LEMD1: variants seen among roughly 807,000 people sequenced by gnomAD.
LEMD1 encodes the protein LEM domain-containing protein 1.
Under a neutral mutation model 17.4 loss-of-function variants are expected in LEMD1, and 18 were observed. The ratio of observed to expected loss-of-function variants is 1.04; its 90% CI spans 0.72 to 1.54. The LOEUF (loss-of-function observed/expected upper bound fraction) is 1.54, where lower values mean the gene tolerates loss of function less well. Among genes scored for constraint, LEMD1 ranks in the 40% most tolerant of loss-of-function variants. The pLI, the probability that LEMD1 is intolerant of heterozygous loss-of-function variation, is 0.00. For missense variants in LEMD1, 195 were observed against 210.4 expected, an observed-to-expected ratio of 0.93 and a Z score of 0.45; for synonymous variants, 88 against 77.8, an observed-to-expected ratio of 1.13 and a Z score of -0.69.
intron 4 of LEMD1, among the ~76,000 whole-genome samples, chr1:205,412,033 T>A (rs1665477116): frequency 6.6e-6 from 1 of 152,220 alleles, no homozygotes; most frequent in South Asian, 2.1e-4. Flanking sequence ...TGCCCCTATT[T>A]GCCCAAGATA....
intron 4 of LEMD1, 111 bp from the exon 5 acceptor site, chr1:205,384,475 C>T: frequency 3.4e-6 from 2 of 585,232 alleles, no homozygotes; most frequent in Non-Finnish European, 5.7e-6. Flanking sequence ...GTTCTTGGCA[C>T]ATTAGGTAGT....
At chr1:205,404,703 T>G (rs1201269276) in intron 4 of LEMD1, among the ~76,000 whole-genome samples, 6 of 152,168 alleles carry the variant, frequency 3.9e-5, no homozygotes, top group Non-Finnish European at 7.3e-5. Context: ...CCATTTACAT[T>G]TAAAGTTAAT....
At chr1:205,445,392 C>A (rs1484945628) in intron 1 of LEMD1, among the ~76,000 whole-genome samples, 1 of 152,256 alleles carries the variant, frequency 6.6e-6, no homozygotes, top group African/African-American at 2.4e-5. Flanking sequence ...GACCTCCAGT[C>A]TGGGAGAAGC....
At chr1:205,404,107 G>C (rs1460371144) in intron 4 of LEMD1, among the ~76,000 whole-genome samples, 1 of 152,130 alleles carries the variant, frequency 6.6e-6, no homozygotes, top group Non-Finnish European at 1.5e-5. Flanking sequence ...TTGCTGAGGA[G>C]AGCTTTACTT....
In LEMD1 at chr1:205,419,326, T is replaced by A; in HGVS notation, c.109A>T (p.Lys37Ter). ...LPSTRKLYEKKLVQLLVSPPC... is the reference protein window; with the variant it reads ...LPSTRKLYEK ...GGTGAGACCAACAACTGTACTAACT[T>A]TTTTTCATACAACTTTCTGGTGGAA... is the stretch of plus-strand genomic sequence containing the variant. The change falls in exon 3 of 6, where the codon AAG becomes TAG. Residue 37 changes from lysine (K) to a stop codon, truncating the protein, a stop_gained. Transcript: ENST00000367153. LOFTEE classifies it high-confidence loss of function. 1.2e-6 allele frequency: 2 copies of A among 1,614,172 alleles called. No homozygotes were observed. The highest frequency in any genetic ancestry group is 1.7e-6 in the Non-Finnish European group (2 of 1,180,014).
upstream of LEMD1, among the ~76,000 whole-genome samples, chr1:205,425,998 C>G (rs1259838062): frequency 6.6e-6 from 1 of 152,160 alleles, no homozygotes; most frequent in Non-Finnish European, 1.5e-5. Flanking sequence ...GTGGGGGACA[C>G]AGAGCAGCTC....
At chr1:205,439,721 T>C (rs1666262352) in intron 1 of LEMD1, among the ~76,000 whole-genome samples, 1 of 152,144 alleles carries the variant, frequency 6.6e-6, no homozygotes, top group Admixed American at 6.5e-5. Context: ...TGCTCCCTGA[T>C]GAGGGAGAAC....
At chr1:205,400,721 T>TA (rs1664802189) in intron 4 of LEMD1, among the ~76,000 whole-genome samples, 1 of 152,142 alleles carries the variant, frequency 6.6e-6, no homozygotes, top group Non-Finnish European at 1.5e-5. Flanking sequence ...TATTATACTT[T>TA]AAGTTCTAGG....
intron 5 of LEMD1, among the ~76,000 whole-genome samples, chr1:205,383,627 T>C (rs1011291271): frequency 4.0e-5 from 6 of 151,206 alleles, no homozygotes; most frequent in South Asian, 2.1e-4. Context: ...TCCTTTTTTT[T>C]TTTTCTTTTT....
intron 3 of LEMD1, among the ~76,000 whole-genome samples, chr1:205,416,727 T>C (rs1314761746): frequency 6.6e-6 from 1 of 152,206 alleles, no homozygotes; most frequent in Non-Finnish European, 1.5e-5. Flanking sequence ...TTGGGGGAAC[T>C]GCTAGGGACG....
chr1:205,399,763 G>A (rs1483097840), intron 4 of LEMD1, among the ~76,000 whole-genome samples: 1 of 152,222 alleles, frequency 6.6e-6, no homozygotes, highest in Admixed American at 6.5e-5. Flanking sequence ...CCCATTGGAT[G>A]AAAAGAAATC....
intron 1 of LEMD1, among the ~76,000 whole-genome samples, chr1:205,429,578 G>A (rs1318101544): frequency 6.6e-6 from 1 of 152,098 alleles, no homozygotes; most frequent in Non-Finnish European, 1.5e-5. Context: ...TATTAGAAGA[G>A]GCATAAAAGA....
At chr1:205,410,974 A>T (rs1243964860) in intron 4 of LEMD1, among the ~76,000 whole-genome samples, 1 of 150,644 alleles carries the variant, frequency 6.6e-6, no homozygotes, top group African/African-American at 2.4e-5. Context: ...AGAAAGAAGG[A>T]AAGAAAGGAA....
chr1:205,405,900 TTTGTTAGTTTTCCTTCTAACAGACAG>T (rs1665072936), intron 4 of LEMD1, among the ~76,000 whole-genome samples: 1 of 152,122 alleles, frequency 6.6e-6, no homozygotes, highest in Non-Finnish European at 1.5e-5. Context: ...GTCCTTTCTG[TTTGTTAGTTTTCCTTCTAACAGACAG>T]GAACCTCAGC....
chr1:205,432,237 G>A (rs897919466), intron 1 of LEMD1, among the ~76,000 whole-genome samples: 68 of 152,330 alleles, frequency 4.5e-4, no homozygotes, highest in African/African-American at 1.6e-3. Context: ...AGTGTGTGTA[G>A]ACATGCATGG....
In LEMD1 at chr1:205,419,246, G is replaced by A. The variant is rs369139762; in HGVS notation, c.189C>T (p.Asp63=). ...TGGCGGTACCTTCGCTGTCATCACTGTCCTGCGCTCCATCCAGCTCTCTGG... is the reference window on the plus strand; with the variant it reads ...TGGCGGTACCTTCGCTGTCATCACTATCCTGCGCTCCATCCAGCTCTCTGG... The part of the protein sequence containing the change: ...NGPRELDGAQ[D]SDDSEELNII... Residue 63 remains aspartate, a synonymous_variant, in exon 3 of 6, where the codon GAC becomes GAT. Coordinates refer to ENST00000367153, the MANE Select transcript of LEMD1 (RefSeq NM_001199050.2). 6.2e-7 allele frequency: 1 copy of A among 1,614,198 alleles called. No homozygotes were observed. The highest frequency in any genetic ancestry group is 1.1e-5 in the South Asian group (1 of 91,074).
At chr1:205,385,903 G>A (rs1663986879) in intron 4 of LEMD1, 1 of 152,304 alleles carries the variant, frequency 6.6e-6, no homozygotes, top group Non-Finnish European at 1.5e-5. Flanking sequence ...TAAGGAGCTG[G>A]GACTCGCGTC....
intron 1 of LEMD1, among the ~76,000 whole-genome samples, chr1:205,443,070 C>T (rs891580314): frequency 2.6e-5 from 4 of 152,082 alleles, no homozygotes; most frequent in Admixed American, 1.3e-4. Flanking sequence ...GGTGGATTCC[C>T]GTGTAATCAG....
intron 4 of LEMD1, among the ~76,000 whole-genome samples, chr1:205,396,378 A>G (rs988516942): frequency 1.3e-5 from 2 of 152,166 alleles, no homozygotes; most frequent in Admixed American, 1.3e-4. Context: ...GAGCAATTTA[A>G]TATAATCTCT....
Sources: allele counts gnomAD v4.1 joint callset (sites outside exome capture counted in the v4.1 genomes callset), GRCh38; gene constraint gnomAD v4.1.1; transcripts MANE v1.5; gene names NCBI Gene and HGNC (gene_info 2026-07-23, HGNC 2026-07-21).